Variants in RFFL observed in about 807,000 individuals in gnomAD.
RFFL encodes ring finger and FYVE like domain containing E3 ubiquitin protein ligase, also known as E3 ubiquitin-protein ligase rififylin.
RFFL carries 16 observed loss-of-function variants against 40.4 expected under a neutral mutation model. That is an observed-to-expected ratio of 0.40 (90% confidence interval 0.27 to 0.60). RFFL has a LOEUF of 0.60. Ranked by LOEUF, RFFL falls within the 20% of genes least tolerant of loss-of-function variation. The pLI is 0.47. For synonymous variants in RFFL, 154 were observed against 167.9 expected, an observed-to-expected ratio of 0.92 and a Z score of 0.64; for missense variants, 367 against 451.7, an observed-to-expected ratio of 0.81 and a Z score of 1.70.
At chr17:35,039,834 T>A (rs908937291) in intron 1 of RFFL, among the ~76,000 whole-genome samples, 1 of 151,986 alleles carries the variant, frequency 6.6e-6, no homozygotes, top group Non-Finnish European at 1.5e-5. Context: ...TACAACTCCA[T>A]GCCCAGCTAA....
At position 35,008,794 on chromosome 17, in the gene RFFL, G is replaced by C. The variant is rs2090915291; in HGVS notation, c.*3174C>G. On this transcript the variant is annotated 3_prime_UTR_variant, in exon 7 of 7. Transcript: ENST00000394597. ...CTACAGGCACCCGCCACCACGCCTG[G>C]CTAATTTTTTGTATTTTTAGTAGAG... 2 of 152,152 alleles carry C rather than the reference G, an allele frequency of 1.3e-5. No homozygotes were observed. Among genetic ancestry groups the C allele is most frequent in the African/African-American group, 4.8e-5 (2 of 41,430 alleles). The allele number at this position is 152,152 out of a possible 1,614,324, so 9.4% of individuals were successfully genotyped here.
At chr17:35,034,889 C>G (rs2091110599) in intron 1 of RFFL, among the ~76,000 whole-genome samples, 1 of 152,088 alleles carries the variant, frequency 6.6e-6, no homozygotes, top group Non-Finnish European at 1.5e-5. Context: ...AAAGTGATTT[C>G]GACTAGGTCT....
At chr17:35,086,640 G>A (rs938270775) in intron 1 of RFFL, among the ~76,000 whole-genome samples, 1 of 152,126 alleles carries the variant, frequency 6.6e-6, no homozygotes, top group African/African-American at 2.4e-5. Flanking sequence ...CTCCTCACTT[G>A]AGACTTCACC....
At chr17:35,016,772 A>G (rs2090976804) in intron 4 of RFFL, among the ~76,000 whole-genome samples, 192 bp from the exon 5 acceptor site, 1 of 152,130 alleles carries the variant, frequency 6.6e-6, no homozygotes, top group African/African-American at 2.4e-5. Context: ...CTGACCCACG[A>G]TTCTGTGCTC....
intron 1 of RFFL, among the ~76,000 whole-genome samples, chr17:35,056,469 C>T (rs1018691209): frequency 6.6e-6 from 1 of 151,586 alleles, no homozygotes; most frequent in East Asian, 1.9e-4. Flanking sequence ...CCTCCGCCTC[C>T]TGGGTTCAAA....
At chr17:35,051,127 T>A (rs2091229506) in intron 1 of RFFL, among the ~76,000 whole-genome samples, 1 of 152,184 alleles carries the variant, frequency 6.6e-6, no homozygotes, top group African/African-American at 2.4e-5. Context: ...ATAAACCATA[T>A]GGATGCAGTA....
At position 35,011,906 on chromosome 17, in the gene RFFL, C is replaced by A; in HGVS notation, c.*62G>T. 2 of 1,547,922 alleles carry A rather than the reference C, an allele frequency of 1.3e-6. No homozygotes were observed. The highest frequency in any genetic ancestry group is 2.3e-5 in the East Asian group (1 of 44,436). Reference sequence around the variant, plus strand: ...GCTTGCTCCTCTGCAAGCTGGCCAACCCTGAGCCCAGACACCCCAGGCTAT... The same window carrying A: ...GCTTGCTCCTCTGCAAGCTGGCCAAACCTGAGCCCAGACACCCCAGGCTAT... On this transcript the variant is annotated 3_prime_UTR_variant, in exon 7 of 7. Transcript: ENST00000394597.
chr17:35,032,542 G>A (rs2091092325), intron 1 of RFFL, among the ~76,000 whole-genome samples: 1 of 152,074 alleles, frequency 6.6e-6, no homozygotes, highest in Admixed American at 6.5e-5. Context: ...GCCCTCAGGA[G>A]GAGGCATGTA....
At chr17:35,083,908 G>A (rs1001561682) in intron 1 of RFFL, among the ~76,000 whole-genome samples, 6 of 151,632 alleles carry the variant, frequency 4.0e-5, no homozygotes, top group African/African-American at 1.5e-4. Context: ...GCAATAAAAC[G>A]GTGGTTCCCA....
At chr17:35,085,731 A>C (rs1205866392) in intron 1 of RFFL, among the ~76,000 whole-genome samples, 1 of 152,202 alleles carries the variant, frequency 6.6e-6, no homozygotes, top group Non-Finnish European at 1.5e-5. Flanking sequence ...CCCAGCCAAG[A>C]TGCAGATTTT....
At chr17:35,028,839 T>A (rs143569026) in intron 1 of RFFL, among the ~76,000 whole-genome samples, 1 of 152,030 alleles carries the variant, frequency 6.6e-6, no homozygotes, top group African/African-American at 2.4e-5. Flanking sequence ...CTAGGTCCTT[T>A]TTAGCTTTCC....
intron 1 of RFFL, among the ~76,000 whole-genome samples, chr17:35,072,027 T>C (rs2142378099): frequency 6.6e-6 from 1 of 152,138 alleles, no homozygotes; most frequent in South Asian, 2.1e-4. Context: ...ACACCTGTAA[T>C]ACCAGCATTT....
At chr17:35,021,860 G>T in intron 2 of RFFL, 79 bp from the exon 3 acceptor site, 1 of 1,375,528 alleles carries the variant, frequency 7.3e-7, no homozygotes, top group Non-Finnish European at 1.0e-6. Context: ...CTTCAGAGCT[G>T]CCAAGCCCAG....
Position 35,043,159 on chromosome 17 carries a change from G to A in RFFL, c.-8-16598C>T, listed in dbSNP as rs1416323209. On this transcript the variant is annotated intron_variant, in intron 1 of 6. Coordinates refer to ENST00000394597, the MANE Select transcript of RFFL (RefSeq NM_001017368.2). ...ACAGAACAGTTGGAGAGAAAGGTGG[G>A]GGGAAAAAAAGCTGTTCCCAAGTAT... is the stretch of plus-strand genomic sequence containing the variant. Among the ~76,000 whole-genome samples, 10 of 152,168 alleles carry A rather than the reference G, an allele frequency of 6.6e-5. No individual in the cohort carries two copies. In the East Asian group the frequency reaches 1.9e-3, roughly 29 times the overall value.
At chr17:35,056,492 C>T (rs1021553177) in intron 1 of RFFL, among the ~76,000 whole-genome samples, 1 of 151,810 alleles carries the variant, frequency 6.6e-6, no homozygotes, top group Admixed American at 6.6e-5. Flanking sequence ...ATTCTCCTGC[C>T]TCAGCCTTCT....
At chr17:35,081,412 G>C (rs2091402476) in intron 1 of RFFL, among the ~76,000 whole-genome samples, 1 of 152,156 alleles carries the variant, frequency 6.6e-6, no homozygotes, top group African/African-American at 2.4e-5. Flanking sequence ...GAAACACTAT[G>C]ATCTAAAAAG....
intron 1 of RFFL, chr17:35,036,296 C>G (rs1259717411): frequency 1.3e-5 from 2 of 152,126 alleles, no homozygotes; most frequent in African/African-American, 4.8e-5. Flanking sequence ...AGAATTCTCC[C>G]TAAGGTGATA....
intron 1 of RFFL, among the ~76,000 whole-genome samples, chr17:35,073,644 A>G (rs937933657): frequency 6.6e-6 from 1 of 152,072 alleles, no homozygotes; most frequent in Non-Finnish European, 1.5e-5. Context: ...TGAAAATGGT[A>G]TATCACCATT....
intron 1 of RFFL, among the ~76,000 whole-genome samples, chr17:35,033,609 G>C (rs2091099939): frequency 6.6e-6 from 1 of 151,892 alleles, no homozygotes; most frequent in Admixed American, 6.6e-5. Context: ...TTCCCGGGCA[G>C]GATAAAAGTC....
Sources: gnomAD v4.1 joint callset for allele counts (sites outside exome capture counted in the v4.1 genomes callset) on GRCh38, gnomAD v4.1.1 for gene constraint, MANE v1.5 for transcripts, NCBI Gene and HGNC (gene_info 2026-07-23, HGNC 2026-07-21) for gene names.